ESCO2: variants seen among roughly 807,000 people sequenced by gnomAD.
ESCO2 encodes establishment of sister chromatid cohesion N-acetyltransferase 2, also known as N-acetyltransferase ESCO2.
Under a neutral mutation model 61.7 loss-of-function variants are expected in ESCO2, and 51 were observed. That is an observed-to-expected ratio of 0.83 (90% CI 0.66 to 1.04). ESCO2 has a LOEUF of 1.04. Among genes scored for constraint, ESCO2 ranks in the 50% least tolerant of loss-of-function variants. The pLI is 0.00. For missense variants in ESCO2, 692 were observed against 686.2 expected, an observed-to-expected ratio of 1.01 and a Z score of -0.09; for synonymous variants, 230 against 238.2, an observed-to-expected ratio of 0.97 and a Z score of 0.32.
downstream of ESCO2, among the ~76,000 whole-genome samples, chr8:27,805,648 C>G (rs887883569): frequency 1.3e-5 from 2 of 152,022 alleles, no homozygotes; most frequent in Non-Finnish European, 2.9e-5. Context: ...TTTTTTCCCC[C>G]GCCCTGGGCT....
chr8:27,772,329 A>G (rs1011111005), upstream of ESCO2, among the ~76,000 whole-genome samples: 2 of 152,138 alleles, frequency 1.3e-5, no homozygotes, highest in African/African-American at 4.8e-5. Flanking sequence ...TGACGAGGGG[A>G]CGCCGGGGGA....
At chr8:27,785,026 C>G (rs1805006630) in intron 5 of ESCO2, among the ~76,000 whole-genome samples, 1 of 152,126 alleles carries the variant, frequency 6.6e-6, no homozygotes, top group Admixed American at 6.5e-5. Context: ...GTTGCTATCA[C>G]AAAATACCAT....
downstream of ESCO2, among the ~76,000 whole-genome samples, chr8:27,816,343 C>CATATATATATATATATATATATA (rs1554559819): frequency 2.2e-5 from 3 of 136,324 alleles, no homozygotes; most frequent in African/African-American, 8.8e-5. Flanking sequence ...TCATCGAATA[C>CATATATATATATATATATATATA]TATATATATA....
At chr8:27,784,150 G>GC in intron 5 of ESCO2, 93 bp downstream of exon 5, 2 of 1,217,144 alleles carry the variant, frequency 1.6e-6, no homozygotes, top group Non-Finnish European at 2.4e-6. Flanking sequence ...AATTTGGGGA[G>GC]TTTTTTTTTC....
At position 27,776,729 on chromosome 8, in the gene ESCO2, C is replaced by A. The variant is rs750617045; in HGVS notation, c.421C>A (p.Gln141Lys). Reference protein sequence around the residue: ...VCSKKNNKKPQKSLTAKYQPK... With the variant: ...VCSKKNNKKPKKSLTAKYQPK... Reference sequence around the variant, plus strand: ...CTCCAAGAAGAACAACAAAAAACCACAGAAGAGTTTAACTGCTAAGTATCA... The same window carrying A: ...CTCCAAGAAGAACAACAAAAAACCAAAGAAGAGTTTAACTGCTAAGTATCA... The change falls in exon 3 of 11, where the codon CAG becomes AAG. Residue 141 changes from glutamine (Q) to lysine (K), a missense_variant. Transcript: ENST00000305188. 103 of 1,613,748 alleles carry A rather than the reference C, an allele frequency of 6.4e-5. No individual in the cohort carries two copies. The highest frequency in any genetic ancestry group is 7.9e-5 in the Non-Finnish European group (93 of 1,180,026).
At chr8:27,803,227 G>C (rs1029891338) in intron 10 of ESCO2, 79 bp from the exon 11 acceptor site, 1 of 1,271,356 alleles carries the variant, frequency 7.9e-7, no homozygotes, top group Non-Finnish European at 1.1e-6. Flanking sequence ...TAAGTCAAGA[G>C]TATTTACTTA....
chr8:27,797,238 A>T (rs1474949545), intron 9 of ESCO2, among the ~76,000 whole-genome samples: 2 of 152,192 alleles, frequency 1.3e-5, no homozygotes, highest in Non-Finnish European at 2.9e-5. Flanking sequence ...TCAGAATCCT[A>T]AATATTTATA....
chr8:27,783,741 A>G (rs1233764200), intron 4 of ESCO2, among the ~76,000 whole-genome samples: 1 of 152,188 alleles, frequency 6.6e-6, no homozygotes, highest in Non-Finnish European at 1.5e-5. Flanking sequence ...ACGCCTGGTC[A>G]TAGTTTTACA....
At chr8:27,791,132 A>G (rs1162168893) in intron 7 of ESCO2, among the ~76,000 whole-genome samples, 1 of 152,238 alleles carries the variant, frequency 6.6e-6, no homozygotes, top group East Asian at 1.9e-4. Flanking sequence ...AGTATAGCAC[A>G]TACTATTATA....
the ESCO2 span, among the ~76,000 whole-genome samples, chr8:27,818,303 C>T: frequency 6.6e-6 from 1 of 152,216 alleles, no homozygotes; most frequent in Non-Finnish European, 1.5e-5. Flanking sequence ...TACATTGTTG[C>T]TCATACTAGC....
rs188395880 is a variant in ESCO2 at position 27,797,711 on chromosome 8, A to G, written c.1498-1830A>G. Among the ~76,000 whole-genome samples, 4 of 152,216 alleles carry G rather than the reference A, an allele frequency of 2.6e-5. No individual in the cohort carries two copies. In the East Asian group the frequency reaches 7.7e-4, roughly 29 times the overall value. On this transcript the variant is annotated intron_variant, in intron 9 of 10. Coordinates refer to ENST00000305188, the MANE Select transcript of ESCO2 (RefSeq NM_001017420.3). ...TGATTTCTTTATCTTTTATGTATCT[A>G]CTATAGGTTTTCGCTTTATGGTCAT...
In ESCO2 at chr8:27,777,157, G is replaced by T. The variant is rs976489585; in HGVS notation, c.849G>T (p.Glu283Asp). The change falls in exon 3 of 11, where the codon GAG (glutamate) becomes GAT (aspartate). Residue 283 changes from glutamate to aspartate, a missense_variant. Transcript: ENST00000305188. ...TGAGTGCAAGCAGTAAAAATAAAGA[G>T]AAATTAATAAAGGTAAAGCTAAATA... ...GLLSASSKNK[E>D]KLIKDSSDDR... The T allele has an allele frequency of 6.2e-7, 1 of 1,601,394 alleles. No homozygotes were observed. The highest frequency in any genetic ancestry group is 8.5e-7 in the Non-Finnish European group (1 of 1,177,136).
At chr8:27,792,566 A>G in intron 8 of ESCO2, 102 bp from the exon 9 acceptor site, 1 of 1,203,240 alleles carries the variant, frequency 8.3e-7, no homozygotes, top group Non-Finnish European at 1.2e-6. Context: ...GAAATTAAAG[A>G]GGCTAAAGTA....
At chr8:27,806,484 C>T (rs1805566076), downstream of ESCO2, among the ~76,000 whole-genome samples, 1 of 152,108 alleles carries the variant, frequency 6.6e-6, no homozygotes, top group African/African-American at 2.4e-5. Flanking sequence ...TTTCCATATA[C>T]ATTTTAGAAT....
intron 5 of ESCO2, among the ~76,000 whole-genome samples, chr8:27,784,795 G>T (rs968293867): frequency 1.3e-5 from 2 of 152,122 alleles, no homozygotes; most frequent in Admixed American, 1.3e-4. Context: ...CTCCCCATTT[G>T]ATTATAAATA....
upstream of ESCO2, chr8:27,772,516 T>A: frequency 6.5e-7 from 1 of 1,549,960 alleles, no homozygotes; most frequent in Non-Finnish European, 8.7e-7. Flanking sequence ...CACTCACCGC[T>A]GCTGCTGGTG....
intron 9 of ESCO2, 43 bp from the exon 10 acceptor site, chr8:27,799,498 C>T (rs759586048): frequency 2.3e-5 from 37 of 1,602,580 alleles, no homozygotes; most frequent in Non-Finnish European, 3.2e-5. Flanking sequence ...AGTGTGAACT[C>T]ATCTGTGGTG....
chr8:27,808,172 TA>T, downstream of ESCO2: 1 of 1,114,372 alleles, frequency 9.0e-7, no homozygotes, highest in Non-Finnish European at 1.2e-6. Flanking sequence ...AAATCCTTTC[TA>T]ATTTTTATTC....
At chr8:27,775,667 A>G (rs1416365664) in intron 2 of ESCO2, 100 bp downstream of exon 2, 1 of 1,049,414 alleles carries the variant, frequency 9.5e-7, no homozygotes, top group African/African-American at 1.6e-5. Flanking sequence ...CCACTAGCCT[A>G]CTCCTTGTGG....
Sources: allele counts gnomAD v4.1 joint callset (sites outside exome capture counted in the v4.1 genomes callset), GRCh38; gene constraint gnomAD v4.1.1; transcripts MANE v1.5; gene names NCBI Gene and HGNC (gene_info 2026-07-23, HGNC 2026-07-21).